The following P2RY14 variants were observed in gnomAD, a reference collection of about 807,000 sequenced individuals.
The protein encoded by P2RY14 is P2Y purinoceptor 14.
A neutral mutation model predicts 0.9 loss-of-function variants in P2RY14; 2 were observed. That is an observed-to-expected ratio of 2.16 (90% confidence interval 0.88 to 6.79). The LOEUF is 6.79. Ranked by LOEUF, P2RY14 falls within the 30% of genes most tolerant of loss-of-function variation. The probability of loss-of-function intolerance (pLI) is 0.05; values close to 1 mark genes in which losing one functional copy is unlikely to be tolerated. For missense variants in P2RY14, 378 were observed against 400.1 expected, an observed-to-expected ratio of 0.94 and a Z score of 0.47; for synonymous variants, 158 against 147.2, an observed-to-expected ratio of 1.07 and a Z score of -0.53.
At chr3:151,250,947 G>C (rs969328106) in intron 1 of P2RY14, among the ~76,000 whole-genome samples, 1 of 152,158 alleles carries the variant, frequency 6.6e-6, no homozygotes, top group African/African-American at 2.4e-5. Flanking sequence ...TTTGTGTGTT[G>C]TGTTTGTTCT....
intron 1 of P2RY14, among the ~76,000 whole-genome samples, chr3:151,259,044 CAA>C (rs1178871590): frequency 6.6e-6 from 1 of 152,096 alleles, no homozygotes; most frequent in Non-Finnish European, 1.5e-5. Context: ...AGCAATAAAT[CAA>C]ATTTAATTTT....
intron 1 of P2RY14, among the ~76,000 whole-genome samples, chr3:151,265,948 G>C (rs1245154720): frequency 1.3e-5 from 2 of 152,134 alleles, no homozygotes; most frequent in East Asian, 3.9e-4. Flanking sequence ...ATCAGCGCTG[G>C]GCAAGTCTGA....
chr3:151,269,354 C>T (rs1357272671), intron 1 of P2RY14: 2 of 162,720 alleles, frequency 1.2e-5, no homozygotes, highest in East Asian at 1.9e-4. Context: ...GACCTGAGAT[C>T]GTGCCATTGC....
intron 1 of P2RY14, among the ~76,000 whole-genome samples, chr3:151,257,236 T>C (rs867275372): frequency 6.6e-6 from 1 of 152,260 alleles, no homozygotes; most frequent in Non-Finnish European, 1.5e-5. Context: ...TTCAGTGTAA[T>C]TCTCAGTTTA....
intron 1 of P2RY14, among the ~76,000 whole-genome samples, chr3:151,239,374 A>G (rs757979164): frequency 3.9e-5 from 6 of 152,200 alleles, no homozygotes; most frequent in Non-Finnish European, 7.3e-5. Flanking sequence ...CCAGAAGGCC[A>G]TTATTTATCT....
In P2RY14 at chr3:151,271,656, T is replaced by C. The variant is rs558087912; in HGVS notation, c.-133+6631A>G. Among the ~76,000 whole-genome samples the C allele has an allele frequency of 1.4e-4, 21 of 152,334 alleles. No homozygotes were observed. In the South Asian group the frequency reaches 2.3e-3, roughly 17 times the overall value. ...AACAAATTGTGGTATACTCATAGAA[T>C]ACCATATGGTGATCCGGAGGATGAT... On this transcript the variant is annotated intron_variant, in intron 1 of 2. Transcript: ENST00000309170.
chr3:151,275,234 CA>C (rs937993493), intron 1 of P2RY14, among the ~76,000 whole-genome samples: 1 of 152,120 alleles, frequency 6.6e-6, no homozygotes, highest in Non-Finnish European at 1.5e-5. Context: ...GATCACACCA[CA>C]AGTGTACAGA....
At chr3:151,252,076 A>G (rs1736955278) in intron 1 of P2RY14, among the ~76,000 whole-genome samples, 2 of 152,194 alleles carry the variant, frequency 1.3e-5, no homozygotes, top group African/African-American at 2.4e-5. Flanking sequence ...CAGTTGGCCC[A>G]CCCTTTCCTA....
chr3:151,262,301 T>C (rs1250857040), intron 1 of P2RY14, among the ~76,000 whole-genome samples: 1 of 152,224 alleles, frequency 6.6e-6, no homozygotes, highest in Non-Finnish European at 1.5e-5. Context: ...TTTGAGAATT[T>C]GATTATTGTT....
At chr3:151,249,832 A>C (rs1227906791) in intron 1 of P2RY14, among the ~76,000 whole-genome samples, 1 of 152,184 alleles carries the variant, frequency 6.6e-6, no homozygotes, top group Non-Finnish European at 1.5e-5. Flanking sequence ...GGATTAATAC[A>C]GTCATAATAC....
chr3:151,230,156 A>G (rs1217673878), intron 1 of P2RY14, among the ~76,000 whole-genome samples: 1 of 151,994 alleles, frequency 6.6e-6, no homozygotes, highest in East Asian at 2.0e-4. Context: ...TTGCATTTTT[A>G]GTAGAGACGG....
intron 1 of P2RY14, among the ~76,000 whole-genome samples, chr3:151,220,634 C>A (rs920127871): frequency 6.6e-6 from 1 of 152,186 alleles, no homozygotes; most frequent in African/African-American, 2.4e-5. Context: ...GTTTTAAAAA[C>A]GAGAGTTGCC....
intron 1 of P2RY14, among the ~76,000 whole-genome samples, chr3:151,264,777 A>G (rs1024279481): frequency 2.6e-5 from 4 of 151,918 alleles, no homozygotes; most frequent in African/African-American, 2.4e-5. Flanking sequence ...GTGTGTGTGT[A>G]TGTGTGTGTG....
rs899673788 is a variant in P2RY14 at position 151,212,620 on chromosome 3, T to G, written c.*680A>C. 2 of 152,126 alleles carry G rather than the reference T, an allele frequency of 1.3e-5. No individual in the cohort carries two copies. Among genetic ancestry groups the G allele is most frequent in the African/African-American group, 4.8e-5 (2 of 41,420 alleles). The allele number at this position is 152,126 out of a possible 1,614,324, so 9.4% of individuals were successfully genotyped here. A position where few individuals can be genotyped will look rare whatever the true frequency, so the allele number is the denominator to read the frequency against. ...AGAACCCCAGGCTCATTAAATGACG[T>G]AAGTCTTTGTAGAAAACATATTTAG... is the stretch of plus-strand genomic sequence containing the variant. On this transcript the variant is annotated 3_prime_UTR_variant, in exon 3 of 3. Transcript: ENST00000309170.
chr3:151,236,149 G>A (rs139408236), intron 1 of P2RY14, among the ~76,000 whole-genome samples: 177 of 152,292 alleles, frequency 1.2e-3, no homozygotes, highest in African/African-American at 3.9e-3. Context: ...TCCCAGAATA[G>A]AGCTTGCTCT....
chr3:151,255,718 CAGCATAG>C (rs1480980966), intron 1 of P2RY14, among the ~76,000 whole-genome samples: 4 of 152,128 alleles, frequency 2.6e-5, no homozygotes, highest in Non-Finnish European at 5.9e-5. Flanking sequence ...TTGTTTACTC[CAGCATAG>C]AGACAAAGTC....
At chr3:151,246,773 A>G (rs1577106551) in intron 1 of P2RY14, among the ~76,000 whole-genome samples, 1 of 152,244 alleles carries the variant, frequency 6.6e-6, no homozygotes, top group Non-Finnish European at 1.5e-5. Flanking sequence ...GACAAATGGG[A>G]TCTAATTAAA....
intron 1 of P2RY14, among the ~76,000 whole-genome samples, chr3:151,250,564 A>G (rs1052398727): frequency 6.6e-6 from 1 of 152,174 alleles, no homozygotes; most frequent in African/African-American, 2.4e-5. Flanking sequence ...ACTTAGCATA[A>G]TGTCTTTAAG....
intron 2 of P2RY14, among the ~76,000 whole-genome samples, chr3:151,215,768 C>G (rs965751384): frequency 2.0e-5 from 3 of 152,188 alleles, no homozygotes; most frequent in African/African-American, 7.2e-5. Flanking sequence ...GGAGAATGCC[C>G]TAAGTCTGTA....
Sources: allele counts gnomAD v4.1 joint callset (sites outside exome capture counted in the v4.1 genomes callset), GRCh38; gene constraint gnomAD v4.1.1; transcripts MANE v1.5; gene names NCBI Gene and HGNC (gene_info 2026-07-23, HGNC 2026-07-21).